The following EPHA6 variants were observed in gnomAD, a reference collection of about 807,000 sequenced individuals.
EPHA6 encodes EPH receptor A6, also known as ephrin type-A receptor 6.
EPHA6 carries 50 observed loss-of-function variants against 112.0 expected under a neutral mutation model. The observed-to-expected ratio is 0.45, with a 90% CI of 0.36 to 0.56. EPHA6 has a LOEUF of 0.56. Ranked by LOEUF, EPHA6 falls within the 20% of genes least tolerant of loss-of-function variation. EPHA6 has a pLI of 0.00. For missense variants in EPHA6, 1,280 were observed against 1,417.4 expected (o/e 0.90, Z 1.56); for synonymous variants, 529 against 490.7 (o/e 1.08, Z -1.03).
intron 5 of EPHA6, among the ~76,000 whole-genome samples, chr3:97,287,596 A>G (rs1576849984): frequency 6.6e-6 from 1 of 152,214 alleles, no homozygotes; most frequent in African/African-American, 2.4e-5. Context: ...ATGTTCTTTT[A>G]TGTTTATTGA....
At chr3:96,949,006 T>C (rs1008825535) in intron 2 of EPHA6, among the ~76,000 whole-genome samples, 4 of 152,104 alleles carry the variant, frequency 2.6e-5, no homozygotes, top group African/African-American at 9.7e-5. Context: ...CCATGTATGG[T>C]GTTTTGTTGT....
chr3:97,604,292 A>G (rs1367921352), intron 12 of EPHA6, among the ~76,000 whole-genome samples: 1 of 151,700 alleles, frequency 6.6e-6, no homozygotes, highest in Admixed American at 6.6e-5. Flanking sequence ...TAATCTTACA[A>G]CTTCAACTGT....
chr3:97,508,570 C>T (rs1442997557), intron 10 of EPHA6, among the ~76,000 whole-genome samples: 1 of 152,078 alleles, frequency 6.6e-6, no homozygotes, highest in Non-Finnish European at 1.5e-5. Flanking sequence ...GAGTGTTTTA[C>T]TTCCAATTAT....
At chr3:97,489,090 A>G (rs1425150679) in intron 10 of EPHA6, among the ~76,000 whole-genome samples, 2 of 152,260 alleles carry the variant, frequency 1.3e-5, no homozygotes, top group African/African-American at 4.8e-5. Flanking sequence ...AAGTAGATTT[A>G]TAATAACAGC....
intron 10 of EPHA6, among the ~76,000 whole-genome samples, chr3:97,492,530 A>C (rs1421268575): frequency 8.0e-6 from 1 of 125,532 alleles, no homozygotes; most frequent in Non-Finnish European, 1.6e-5. Flanking sequence ...TGACAGAGCG[A>C]GAGTGAGACT....
At chr3:97,473,211 T>C (rs1405180568) in intron 7 of EPHA6, among the ~76,000 whole-genome samples, 2 of 151,796 alleles carry the variant, frequency 1.3e-5, no homozygotes, top group Admixed American at 1.3e-4. Flanking sequence ...TATTTTCTAA[T>C]AAGAGTATTT....
intron 5 of EPHA6, among the ~76,000 whole-genome samples, chr3:97,337,572 A>G (rs1424381181): frequency 6.6e-6 from 1 of 152,184 alleles, no homozygotes; most frequent in African/African-American, 2.4e-5. Flanking sequence ...ATGACAAAGC[A>G]ATATCCATTG....
At chr3:97,366,751 C>T (rs1247989529) in intron 5 of EPHA6, among the ~76,000 whole-genome samples, 2 of 152,090 alleles carry the variant, frequency 1.3e-5, no homozygotes, top group Non-Finnish European at 2.9e-5. Flanking sequence ...TGATTATGTA[C>T]TTATGTAGAA....
intron 5 of EPHA6, among the ~76,000 whole-genome samples, chr3:97,358,734 A>G (rs2084212575): frequency 6.6e-6 from 1 of 152,176 alleles, no homozygotes; most frequent in African/African-American, 2.4e-5. Flanking sequence ...CATTTCTTGC[A>G]GAGGAAGTCT....
intron 5 of EPHA6, among the ~76,000 whole-genome samples, chr3:97,252,764 A>G (rs1007456758): frequency 2.0e-5 from 3 of 152,218 alleles, no homozygotes; most frequent in African/African-American, 7.2e-5. Flanking sequence ...CTTTAAAAAT[A>G]TGAGTGCAAA....
chr3:97,668,400 G>A (rs1362495466), intron 14 of EPHA6, among the ~76,000 whole-genome samples: 2 of 152,116 alleles, frequency 1.3e-5, no homozygotes, highest in African/African-American at 4.8e-5. Context: ...TATTGTCCAA[G>A]ATGTCAGAAA....
Position 97,754,763 on chromosome 3 carries a change from G to A in EPHA6, c.*6062G>A, listed in dbSNP as rs1476967722. Among the ~76,000 whole-genome samples, 1 of 151,996 alleles carries A rather than the reference G, an allele frequency of 6.6e-6. No individual in the cohort carries two copies. Among genetic ancestry groups the A allele is most frequent in the African/African-American group, 2.4e-5 (1 of 41,378 alleles). On this transcript the variant is annotated 3_prime_UTR_variant, in exon 18 of 18. Transcript: ENST00000389672. ...CTGTCGCCTAGGCTGGAGTGCAGTG[G>A]CGAGATCTCGGCTCACTGCTAACTC...
At chr3:97,710,542 TAGAC>T (rs907913619) in intron 14 of EPHA6, among the ~76,000 whole-genome samples, 4 of 152,210 alleles carry the variant, frequency 2.6e-5, no homozygotes, top group African/African-American at 7.2e-5. Flanking sequence ...TCTGTTTCCT[TAGAC>T]AGAAGTGAAG....
At chr3:97,276,632 G>A (rs2080091788) in intron 5 of EPHA6, among the ~76,000 whole-genome samples, 1 of 152,136 alleles carries the variant, frequency 6.6e-6, no homozygotes, top group African/African-American at 2.4e-5. Context: ...GGGTTTGATG[G>A]CCGGAATTTA....
intron 5 of EPHA6, among the ~76,000 whole-genome samples, chr3:97,348,042 A>C (rs1272300741): frequency 6.6e-6 from 1 of 152,000 alleles, no homozygotes; most frequent in Non-Finnish European, 1.5e-5. Context: ...TTTTTTTGGC[A>C]ACCCTCTTTT....
rs2107929267 is a variant in EPHA6, at chr3:97,754,523, A to G, written c.*5822A>G. ...TTTAGGTAGCCAGTGGCAATCCAAA[A>G]TTACATTTTAAAATGAAAAAAAGAG... is the stretch of plus-strand genomic sequence containing the variant. On this transcript the variant is annotated 3_prime_UTR_variant, in exon 18 of 18. Coordinates refer to ENST00000389672, the MANE Select transcript of EPHA6 (RefSeq NM_001080448.3). 1.3e-5 allele frequency among the ~76,000 whole-genome samples: 2 copies of G among 152,302 alleles called. No individual in the cohort carries two copies. Among genetic ancestry groups the G allele is most frequent in the South Asian group, 2.1e-4 (1 of 4,824 alleles).
rs557207870 is a variant in EPHA6 at position 97,085,924 on chromosome 3, A to T, written c.1114+97931A>T. Among the ~76,000 whole-genome samples, 41 of 106,448 alleles carry T rather than the reference A, an allele frequency of 3.9e-4. No homozygotes were observed. The South Asian group carries it at 4.8e-3, about 13-fold the overall frequency. 69.8% of individuals were successfully genotyped at this position (106,448 alleles called of 152,430 possible). A position where few individuals can be genotyped will look rare whatever the true frequency, so the allele number is the denominator to read the frequency against. On this transcript the variant is annotated intron_variant, in intron 3 of 17. Coordinates refer to ENST00000389672, the MANE Select transcript of EPHA6 (RefSeq NM_001080448.3). Reference sequence around the variant, plus strand: ...AGATTTGTGAGCTTTTATATATATGATGTCATATATATATATATATATATA... The same window carrying T: ...AGATTTGTGAGCTTTTATATATATGTTGTCATATATATATATATATATATA...
chr3:97,603,042 A>G (rs998448446), intron 12 of EPHA6, among the ~76,000 whole-genome samples: 8 of 152,018 alleles, frequency 5.3e-5, no homozygotes, highest in Non-Finnish European at 1.2e-4. Flanking sequence ...GTATATCACC[A>G]TTACTTTTCT....
chr3:97,540,114 C>T (rs1293796913), intron 11 of EPHA6, among the ~76,000 whole-genome samples: 6 of 152,162 alleles, frequency 3.9e-5, no homozygotes. Flanking sequence ...TGTTCTTCTA[C>T]CAACCTTAGT....
Sources: allele counts gnomAD v4.1 joint callset (sites outside exome capture counted in the v4.1 genomes callset), GRCh38; gene constraint gnomAD v4.1.1; transcripts MANE v1.5; gene names NCBI Gene and HGNC (gene_info 2026-07-23, HGNC 2026-07-21).